Variants in ZFAT observed in about 807,000 individuals in gnomAD.
ZFAT encodes zinc finger and AT-hook domain containing.
ZFAT carries 64 observed loss-of-function variants against 117.7 expected under a neutral mutation model. The observed-to-expected ratio is 0.54, with a 90% CI of 0.44 to 0.67. The LOEUF is 0.67. Ranked by LOEUF, ZFAT falls within the 30% of genes least tolerant of loss-of-function variation. The pLI is 0.00. For synonymous variants in ZFAT, 679 were observed against 615.0 expected (o/e 1.10, Z -1.54); for missense variants, 1,433 against 1,584.5 (o/e 0.90, Z 1.62).
the ZFAT span, among the ~76,000 whole-genome samples, chr8:134,736,070 C>T: frequency 2.6e-5 from 4 of 152,010 alleles, no homozygotes; most frequent in Non-Finnish European, 4.4e-5. Flanking sequence ...AAAAGATGGC[C>T]GAGGAGTAGG....
intron 7 of ZFAT, among the ~76,000 whole-genome samples, chr8:134,591,895 A>T (rs1826532952): frequency 6.6e-6 from 1 of 152,174 alleles, no homozygotes; most frequent in Admixed American, 6.5e-5. Flanking sequence ...GCTCTCCAGG[A>T]CAGTGTGACA....
At chr8:134,672,605 G>A (rs1013783639) in intron 1 of ZFAT, among the ~76,000 whole-genome samples, 60 of 152,046 alleles carry the variant, frequency 3.9e-4, no homozygotes, top group African/African-American at 1.4e-3. Context: ...TCAAATCTCT[G>A]AAAACTAAAG....
At chr8:134,592,672 T>A (rs1826598081) in intron 7 of ZFAT, among the ~76,000 whole-genome samples, 1 of 152,140 alleles carries the variant, frequency 6.6e-6, no homozygotes, top group Non-Finnish European at 1.5e-5. Context: ...GCTGCTGTGG[T>A]TTCCACATTG....
At chr8:134,541,328 C>A (rs141942376) in intron 11 of ZFAT, among the ~76,000 whole-genome samples, 5 of 152,116 alleles carry the variant, frequency 3.3e-5, no homozygotes, top group South Asian at 2.1e-4. Context: ...TTTATTAAGA[C>A]GAGGAAGGGG....
chr8:134,564,780 T>C lies in ZFAT; in HGVS notation c.2976+553A>G, dbSNP rs1343503966. On this transcript the variant is annotated intron_variant, in intron 11 of 15. Transcript: ENST00000377838. ...GGACCCTAGTGATTGTTGTCAATAA[T>C]TGCATCATAAGCAGTGGCTAAGCAA... Among the ~76,000 whole-genome samples, 4 of 152,198 alleles carry C rather than the reference T, an allele frequency of 2.6e-5. 1 individual carries two copies. The highest frequency in any genetic ancestry group is 1.3e-4 in the Admixed American group (2 of 15,282).
At chr8:134,551,308 G>A (rs575285475) in intron 11 of ZFAT, among the ~76,000 whole-genome samples, 4 of 152,192 alleles carry the variant, frequency 2.6e-5, no homozygotes, top group Non-Finnish European at 4.4e-5. Context: ...GTCCTAATCC[G>A]TAAAACGGGG....
intron 12 of ZFAT, among the ~76,000 whole-genome samples, chr8:134,528,328 C>A (rs1390461298): frequency 6.6e-6 from 1 of 152,242 alleles, no homozygotes; most frequent in Non-Finnish European, 1.5e-5. Flanking sequence ...CATAAAATAA[C>A]AATCAATAAC....
At chr8:134,630,426 G>GT (rs918877133) in intron 3 of ZFAT, among the ~76,000 whole-genome samples, 1 of 152,190 alleles carries the variant, frequency 6.6e-6, no homozygotes, top group African/African-American at 2.4e-5. Flanking sequence ...CAAGCCATCT[G>GT]TTTTGCTAAC....
At chr8:134,655,097 T>A (rs530485732) in intron 2 of ZFAT, among the ~76,000 whole-genome samples, 2 of 152,006 alleles carry the variant, frequency 1.3e-5, no homozygotes, top group Non-Finnish European at 2.9e-5. Flanking sequence ...CAGTTGCTCC[T>A]CCGCCAGCAG....
At chr8:134,808,911 C>G in the ZFAT span, among the ~76,000 whole-genome samples, 1 of 152,282 alleles carries the variant, frequency 6.6e-6, no homozygotes, top group Middle Eastern at 3.4e-3. Flanking sequence ...CAAAGTTTGC[C>G]TAAGATACTA....
chr8:134,699,263 A>G (rs989378580), intron 1 of ZFAT, among the ~76,000 whole-genome samples: 2 of 152,244 alleles, frequency 1.3e-5, no homozygotes, highest in East Asian at 1.9e-4. Context: ...AAATGCTTCT[A>G]TCAATCTCTA....
At chr8:134,774,248 C>T in the ZFAT span, among the ~76,000 whole-genome samples, 6 of 152,202 alleles carry the variant, frequency 3.9e-5, no homozygotes, top group African/African-American at 7.2e-5. Flanking sequence ...CCACCTGCAT[C>T]GGCCTCCCAA....
chr8:134,561,767 A>G (rs1052456651), intron 11 of ZFAT, among the ~76,000 whole-genome samples: 1 of 152,216 alleles, frequency 6.6e-6, no homozygotes, highest in African/African-American at 2.4e-5. Context: ...ATTAGTAAAA[A>G]AAGCGAGACT....
At chr8:134,618,983 T>C (rs1346190516) in intron 3 of ZFAT, among the ~76,000 whole-genome samples, 13 of 152,178 alleles carry the variant, frequency 8.5e-5, no homozygotes, top group Non-Finnish European at 1.5e-5. Context: ...CGTTAGAAGG[T>C]AATCATTTTA....
intron 1 of ZFAT, chr8:134,696,449 G>C (rs1379049374): frequency 1.9e-5 from 19 of 985,648 alleles, no homozygotes; most frequent in Non-Finnish European, 2.3e-5. Flanking sequence ...CCTCCACCAA[G>C]GGCAGAGTAG....
intron 15 of ZFAT, among the ~76,000 whole-genome samples, chr8:134,488,575 T>G (rs886901128): frequency 2.0e-5 from 3 of 152,228 alleles, no homozygotes; most frequent in Non-Finnish European, 4.4e-5. Flanking sequence ...CCACATATAC[T>G]TCAGACAACT....
At chr8:134,488,236 T>A (rs1303098545) in intron 15 of ZFAT, among the ~76,000 whole-genome samples, 1 of 152,168 alleles carries the variant, frequency 6.6e-6, no homozygotes, top group African/African-American at 2.4e-5. Flanking sequence ...CCTTTGCTAA[T>A]GAAGTTGGCA....
At chr8:134,819,487 G>A in the ZFAT span, among the ~76,000 whole-genome samples, 1 of 112,564 alleles carries the variant, frequency 8.9e-6, no homozygotes, top group Non-Finnish European at 1.9e-5. Context: ...GAGAACTGCC[G>A]GATTTACCAC....
At chr8:134,620,873 G>A (rs989766967) in intron 3 of ZFAT, among the ~76,000 whole-genome samples, 14 of 152,196 alleles carry the variant, frequency 9.2e-5, no homozygotes, top group African/African-American at 3.1e-4. Context: ...GGACACCGAA[G>A]GGAGCCCCAG....
Sources: gnomAD v4.1 joint callset for allele counts (sites outside exome capture counted in the v4.1 genomes callset) on GRCh38, gnomAD v4.1.1 for gene constraint, MANE v1.5 for transcripts, NCBI Gene and HGNC (gene_info 2026-07-23, HGNC 2026-07-21) for gene names.